NPAS3: variants seen among roughly 807,000 people sequenced by gnomAD.
The protein encoded by NPAS3 is neuronal PAS domain protein 3.
A neutral mutation model predicts 73.1 loss-of-function variants in NPAS3; 14 were observed. The ratio of observed to expected loss-of-function variants is 0.19; its 90% CI spans 0.13 to 0.30. The LOEUF is 0.30. NPAS3 is among the 10% of genes least tolerant of loss of function. The pLI is 1.00. For missense variants in NPAS3, 1,096 were observed against 1,250.0 expected, an observed-to-expected ratio of 0.88 and a Z score of 1.86; for synonymous variants, 620 against 541.5, an observed-to-expected ratio of 1.14 and a Z score of -2.01.
chr14:33,065,889 G>A (rs1324775339), intron 2 of NPAS3, among the ~76,000 whole-genome samples: 1 of 151,980 alleles, frequency 6.6e-6, no homozygotes, highest in East Asian at 1.9e-4. Context: ...GACACTGGAA[G>A]GTATACAGTC....
intron 3 of NPAS3, among the ~76,000 whole-genome samples, chr14:33,321,117 A>G (rs2043425798): frequency 6.6e-6 from 1 of 152,104 alleles, no homozygotes; most frequent in Non-Finnish European, 1.5e-5. Flanking sequence ...AGGTAATGAA[A>G]TTTTAGTATA....
intron 5 of NPAS3, among the ~76,000 whole-genome samples, chr14:33,563,405 C>T (rs1188444842): frequency 6.6e-6 from 1 of 151,834 alleles, no homozygotes; most frequent in Non-Finnish European, 1.5e-5. Context: ...ATGTGCATGC[C>T]AGGTATTCTC....
chr14:33,338,708 A>T (rs1326985778), intron 3 of NPAS3, among the ~76,000 whole-genome samples: 1 of 152,210 alleles, frequency 6.6e-6, no homozygotes, highest in African/African-American at 2.4e-5. Context: ...TTATGAGAAC[A>T]TACTATTTAA....
intron 5 of NPAS3, among the ~76,000 whole-genome samples, chr14:33,567,906 A>G (rs760239888): frequency 7.2e-5 from 11 of 152,194 alleles, no homozygotes; most frequent in Non-Finnish European, 1.6e-4. Context: ...ATATTTTTCC[A>G]GACAGTGAGG....
intron 1 of NPAS3, among the ~76,000 whole-genome samples, chr14:33,046,464 C>T (rs1165932618): frequency 1.3e-5 from 2 of 152,094 alleles, no homozygotes; most frequent in East Asian, 3.9e-4. Flanking sequence ...GAGGAGGATA[C>T]TGCAGTGATC....
At chr14:33,544,902 T>C (rs2054770639) in intron 4 of NPAS3, among the ~76,000 whole-genome samples, 1 of 145,282 alleles carries the variant, frequency 6.9e-6, no homozygotes, top group African/African-American at 2.6e-5. Context: ...TTGTGGTATG[T>C]GTATATAGAT....
intron 1 of NPAS3, among the ~76,000 whole-genome samples, chr14:32,977,362 A>G (rs1595136941): frequency 6.6e-6 from 1 of 151,356 alleles, no homozygotes; most frequent in Non-Finnish European, 1.5e-5. Context: ...ACACGCACAC[A>G]CACACACACA....
At chr14:33,648,297 A>G (rs534882040) in intron 5 of NPAS3, among the ~76,000 whole-genome samples, 22 of 152,222 alleles carry the variant, frequency 1.4e-4, no homozygotes, top group South Asian at 6.2e-4. Context: ...AATTGCTACA[A>G]GCTGACTTTA....
At chr14:33,045,003 G>A (rs1170238057) in intron 1 of NPAS3, among the ~76,000 whole-genome samples, 1 of 152,064 alleles carries the variant, frequency 6.6e-6, no homozygotes, top group Non-Finnish European at 1.5e-5. Flanking sequence ...TGTCTGCATG[G>A]AGAAAGCTGA....
chr14:33,484,645 T>G (rs376858171), intron 4 of NPAS3, among the ~76,000 whole-genome samples: 25 of 152,170 alleles, frequency 1.6e-4, no homozygotes, highest in African/African-American at 6.0e-4. Context: ...GTCACACAGA[T>G]CACATTCAAG....
chr14:33,595,740 G>A (rs2057219656), intron 5 of NPAS3, among the ~76,000 whole-genome samples: 2 of 152,030 alleles, frequency 1.3e-5, no homozygotes, highest in Non-Finnish European at 2.9e-5. Context: ...GCGCGTTCTC[G>A]GCTCACTGCA....
chr14:33,655,530 T>C (rs1004838952), intron 5 of NPAS3, among the ~76,000 whole-genome samples: 4 of 152,040 alleles, frequency 2.6e-5, no homozygotes, highest in Non-Finnish European at 4.4e-5. Flanking sequence ...AAAAACAAAA[T>C]ATATGACTGT....
intron 4 of NPAS3, among the ~76,000 whole-genome samples, chr14:33,431,262 A>C (rs2048772455): frequency 1.3e-5 from 2 of 152,196 alleles, no homozygotes; most frequent in South Asian, 4.1e-4. Context: ...TTAACATCTC[A>C]CTAGTTAAAT....
chr14:33,198,634 A>G (rs867476565), intron 2 of NPAS3, among the ~76,000 whole-genome samples: 6 of 152,224 alleles, frequency 3.9e-5, no homozygotes, highest in African/African-American at 1.4e-4. Flanking sequence ...TAGACATAAA[A>G]GTTCTCCAAG....
In NPAS3 at chr14:33,754,838, T is replaced by G. The variant is rs9322926; in HGVS notation, c.853-19499T>G. ...GAGGTACACCTGAAAGAATAAACCA[T>G]CTGGGGCCTTTCTGAAGCATCTACA... On this transcript the variant is annotated intron_variant, in intron 7 of 11. Coordinates refer to ENST00000356141, the Ensembl canonical transcript of NPAS3. 3.2e-3 allele frequency among the ~76,000 whole-genome samples: 480 copies of G among 152,278 alleles called. 1 individual carries two copies. The highest frequency in any genetic ancestry group is 0.011 in the African/African-American group (459 of 41,560).
intron 1 of NPAS3, among the ~76,000 whole-genome samples, chr14:32,992,478 G>A (rs1392604414): frequency 6.6e-6 from 1 of 152,132 alleles, no homozygotes; most frequent in Non-Finnish European, 1.5e-5. Context: ...AGGTAGTGGG[G>A]CATGAGCAAC....
chr14:33,297,976 C>T (rs2042371327), intron 3 of NPAS3, among the ~76,000 whole-genome samples: 1 of 152,140 alleles, frequency 6.6e-6, no homozygotes, highest in South Asian at 2.1e-4. Context: ...AGGCAGAGAG[C>T]AACTGGTTAT....
At chr14:33,749,564 A>C (rs1247622862) in intron 7 of NPAS3, among the ~76,000 whole-genome samples, 1 of 152,190 alleles carries the variant, frequency 6.6e-6, no homozygotes, top group Non-Finnish European at 1.5e-5. Flanking sequence ...TTCTCTATGA[A>C]GTGTGTCTTT....
chr14:33,135,288 G>A (rs1386284294), intron 2 of NPAS3, among the ~76,000 whole-genome samples: 1 of 152,182 alleles, frequency 6.6e-6, no homozygotes, highest in Non-Finnish European at 1.5e-5. Context: ...AGCAAATGAA[G>A]AGATGATGGT....
Sources: allele counts gnomAD v4.1 joint callset (sites outside exome capture counted in the v4.1 genomes callset), GRCh38; gene constraint gnomAD v4.1.1; transcripts MANE v1.5; gene names NCBI Gene and HGNC (gene_info 2026-07-23, HGNC 2026-07-21).